Variants in DNTTIP2 observed in about 807,000 individuals in gnomAD.
DNTTIP2 encodes the protein deoxynucleotidyltransferase terminal interacting protein 2, also known as deoxynucleotidyltransferase terminal-interacting protein 2.
Under a neutral mutation model 62.4 loss-of-function variants are expected in DNTTIP2, and 47 were observed. The ratio of observed to expected loss-of-function variants is 0.75; its 90% CI spans 0.60 to 0.96. The LOEUF (loss-of-function observed/expected upper bound fraction) is 0.96, where lower values mean the gene tolerates loss of function less well. DNTTIP2 is among the 40% of genes least tolerant of loss of function. DNTTIP2 has a pLI of 0.00. For missense variants in DNTTIP2, 870 were observed against 849.1 expected, an observed-to-expected ratio of 1.02 and a Z score of -0.31; for synonymous variants, 322 against 300.9, an observed-to-expected ratio of 1.07 and a Z score of -0.73.
intron 4 of DNTTIP2, among the ~76,000 whole-genome samples, chr1:93,872,609 T>C (rs922839661): frequency 6.6e-6 from 1 of 152,200 alleles, no homozygotes. Flanking sequence ...TATGTAAACA[T>C]TTTTATTCAG....
At position 93,866,434 on chromosome 1, in the gene DNTTIP2, AT is replaced by A. The variant is rs1181811763; in HGVS notation, c.*3416del. The A allele has an allele frequency of 6.6e-6, 1 of 152,220 alleles. No individual in the cohort carries two copies. The highest frequency in any genetic ancestry group is 2.1e-4 in the South Asian group (1 of 4,828). The allele number at this position is 152,220 out of a possible 1,614,324, so 9.4% of individuals were successfully genotyped here. On this transcript the variant is annotated 3_prime_UTR_variant, in exon 7 of 7. Coordinates refer to ENST00000436063, the MANE Select transcript of DNTTIP2 (RefSeq NM_014597.5). ...AATTCCATTAAGTAAACAATTAGGC[AT>A]TTTTCAATGGTTTGGGATCTATTGT...
chr1:93,876,414 C>T lies in DNTTIP2; in HGVS notation c.1521G>A (p.Glu507=). 2 of 1,610,706 alleles carry T rather than the reference C, an allele frequency of 1.2e-6. No individual in the cohort carries two copies. Among genetic ancestry groups the T allele is most frequent in the Non-Finnish European group, 1.7e-6 (2 of 1,178,082 alleles). The change falls in exon 2 of 7, where the codon GAG becomes GAA. Residue 507 remains glutamate (E), a synonymous_variant. Coordinates refer to ENST00000436063, the MANE Select transcript of DNTTIP2 (RefSeq NM_014597.5). ...TGGCAACCTCACTTGCCTTGTCTTCCTCTTCCAAGTAAAAATTTTTATCAG... is the reference window on the plus strand; with the variant it reads ...TGGCAACCTCACTTGCCTTGTCTTCTTCTTCCAAGTAAAAATTTTTATCAG... ...MSADKNFYLE[E]EDKASEVAIE...
chr1:93,872,288 A>G, intron 4 of DNTTIP2, 52 bp from the exon 5 acceptor site: 2 of 1,553,188 alleles, frequency 1.3e-6, no homozygotes, highest in East Asian at 2.3e-5. Flanking sequence ...AGTATACATT[A>G]TAATTCATTT....
Position 93,875,689 on chromosome 1 carries a change from T to TA in DNTTIP2, c.1761dup (p.Asn588Ter). 2.5e-6 allele frequency: 4 copies of TA among 1,613,526 alleles called. No homozygotes were observed. The highest frequency in any genetic ancestry group is 3.4e-6 in the Non-Finnish European group (4 of 1,179,766). On this transcript the variant is annotated frameshift_variant, in exon 3 of 7. Transcript: ENST00000436063. LOFTEE classifies it high-confidence loss of function. ...TTGATCTGTGTTAGGGTTCTCTTGTTAGACTGTAGTTTATCTGCATTAAAA... is the reference window on the plus strand; with the variant it reads ...TTGATCTGTGTTAGGGTTCTCTTGTTAAGACTGTAGTTTATCTGCATTAAAA...
Position 93,877,110 on chromosome 1 carries a change from T to G in DNTTIP2, c.825A>C (p.Glu275Asp). ...FDDDFSHRSS[E>D]NILTVHEQAN... Reference sequence around the variant, plus strand: ...CCTGTTCGTGCACTGTTAATATATTTTCTGAACTTCTGTGGGAGAAATCAT... The same window carrying G: ...CCTGTTCGTGCACTGTTAATATATTGTCTGAACTTCTGTGGGAGAAATCAT... The change falls in exon 2 of 7, where the codon GAA (glutamate) becomes GAC (aspartate). Residue 275 changes from glutamate to aspartate, a missense_variant. Coordinates refer to ENST00000436063, the MANE Select transcript of DNTTIP2 (RefSeq NM_014597.5). The G allele has an allele frequency of 6.2e-7, 1 of 1,611,556 alleles. No homozygotes were observed. Among genetic ancestry groups the G allele is most frequent in the East Asian group, 2.2e-5 (1 of 44,874 alleles).
Position 93,867,194 on chromosome 1 carries a change from G to C in DNTTIP2, c.*2657C>G, listed in dbSNP as rs1451059081. ...TGGAGCCAGATGGTGTATAAATACAGCATTCTTTTCGAAATCTTTCAAGAT... is the reference window on the plus strand; with the variant it reads ...TGGAGCCAGATGGTGTATAAATACACCATTCTTTTCGAAATCTTTCAAGAT... On this transcript the variant is annotated 3_prime_UTR_variant, in exon 7 of 7. Coordinates refer to ENST00000436063, the MANE Select transcript of DNTTIP2 (RefSeq NM_014597.5). 6.8e-6 allele frequency: 1 copy of C among 146,972 alleles called. No homozygotes were observed. Among genetic ancestry groups the C allele is most frequent in the Non-Finnish European group, 1.5e-5 (1 of 67,190 alleles). The allele number at this position is 146,972 out of a possible 1,614,324, so 9.1% of individuals were successfully genotyped here.
At chr1:93,878,919 G>C (rs1656083489) in intron 1 of DNTTIP2, 158 bp downstream of exon 1, 2 of 900,934 alleles carry the variant, frequency 2.2e-6, no homozygotes, top group Non-Finnish European at 1.6e-6. Flanking sequence ...CAGTTTCCGT[G>C]ACAGGCTTAG....
chr1:93,878,528 G>C (rs1461234099), intron 1 of DNTTIP2: 2 of 154,456 alleles, frequency 1.3e-5, no homozygotes, highest in South Asian at 1.9e-4. Flanking sequence ...CACACTGATG[G>C]AATCAGTCGC....
rs1267612908 is a variant in DNTTIP2, at chr1:93,867,365, T to C, written c.*2486A>G. On this transcript the variant is annotated 3_prime_UTR_variant, in exon 7 of 7. Transcript: ENST00000436063. ...GCTCACACCTGTAATCCCAGCACTT[T>C]GGGAGGCCGAGGCGGGTGGATCACT... 2.6e-5 allele frequency: 4 copies of C among 152,124 alleles called. No homozygotes were observed. Among genetic ancestry groups the C allele is most frequent in the Non-Finnish European group, 4.4e-5 (3 of 68,166 alleles). 9.4% of individuals were successfully genotyped at this position (152,124 alleles called of 1,614,324 possible). A position where few individuals can be genotyped will look rare whatever the true frequency, so the allele number is the denominator to read the frequency against.
Position 93,877,792 on chromosome 1 carries a change from T to C in DNTTIP2, c.143A>G (p.Glu48Gly). 6 of 1,609,940 alleles carry C rather than the reference T, an allele frequency of 3.7e-6. No individual in the cohort carries two copies. The highest frequency in any genetic ancestry group is 5.1e-6 in the Non-Finnish European group (6 of 1,179,874). Reference protein sequence around the residue: ...STGSDARTTAESQTTGKQSLI... With the variant: ...STGSDARTTAGSQTTGKQSLI... ...ACTTTGCTTCCCAGTGGTCTGTGAT[T>C]CAGCAGTAGTTCGGGCATCAGATCC... is the stretch of plus-strand genomic sequence containing the variant. Residue 48 changes from glutamate to glycine, a missense_variant, in exon 2 of 7, where the codon GAA becomes GGA. Physicochemically the swap from Glu to Gly is moderately conservative, Grantham distance 98. Transcript: ENST00000436063.
Position 93,872,163 on chromosome 1 carries a change from T to C in DNTTIP2, c.1976A>G (p.Asn659Ser). 6.2e-7 allele frequency: 1 copy of C among 1,613,806 alleles called. No homozygotes were observed. ...KAPEMTNELK[N>S]DLKALKMRAS... ...TCTCATCTTCAGTGCTTTGAGATCA[T>C]TTTTCAGTTCATTTGTCATTTCTGG... The change falls in exon 5 of 7, where the codon AAT (asparagine) becomes AGT (serine). Residue 659 changes from asparagine (N) to serine (S), a missense_variant. Coordinates refer to ENST00000436063, the MANE Select transcript of DNTTIP2 (RefSeq NM_014597.5).
rs1656043410 is a variant in DNTTIP2, at chr1:93,877,500, A to T, written c.435T>A (p.Ser145=). 9 of 1,613,832 alleles carry T rather than the reference A, an allele frequency of 5.6e-6. No individual in the cohort carries two copies. In the Admixed American group the frequency reaches 6.7e-5, roughly 12 times the overall value. Residue 145 remains serine (S), a synonymous_variant, in exon 2 of 7, where the codon TCT becomes TCA. Transcript: ENST00000436063. ...CAATTCTAGAAATACCTGAAACATG[A>T]GATTCTGCTTCAGACACTATTTCTT... ...YTEEIVSEAE[S]HVSGISRIVL...
chr1:93,868,097 A>C lies in DNTTIP2; in HGVS notation c.*1754T>G, dbSNP rs1287592857. The stretch of plus-strand genomic sequence containing the variant: ...TACAGAATGGGAGAAAATTTCTGTA[A>C]TCTATCCATCTGACAAAGGGCTAAT... On this transcript the variant is annotated 3_prime_UTR_variant, in exon 7 of 7. Transcript: ENST00000436063. The C allele has an allele frequency of 6.6e-6, 1 of 152,226 alleles. No individual in the cohort carries two copies. Among genetic ancestry groups the C allele is most frequent in the Non-Finnish European group, 1.5e-5 (1 of 68,034 alleles). 9.4% of individuals were successfully genotyped at this position (152,226 alleles called of 1,614,324 possible).
At chr1:93,873,073 T>C (rs1349341925) in intron 4 of DNTTIP2, 46 bp downstream of exon 4, 2 of 1,362,360 alleles carry the variant, frequency 1.5e-6, no homozygotes, top group African/African-American at 1.4e-5. Flanking sequence ...GCTGAAAATA[T>C]ATAGCCAAAC....
chr1:93,873,398 C>T lies in DNTTIP2; in HGVS notation c.1807-184G>A. Reference sequence around the variant, plus strand: ...CTTGAGGCCAGGAGTTTTAGACCACCTTGGTCAACATAGCAAGACCCTGAC... The same window carrying T: ...CTTGAGGCCAGGAGTTTTAGACCACTTTGGTCAACATAGCAAGACCCTGAC... On this transcript the variant is annotated intron_variant, in intron 3 of 6. Transcript: ENST00000436063. 3 of 460,604 alleles carry T rather than the reference C, an allele frequency of 6.5e-6. 1 individual carries two copies. In the South Asian group the frequency reaches 7.8e-5, roughly 12 times the overall value. The allele number at this position is 460,604 out of a possible 1,614,324, so 28.5% of individuals were successfully genotyped here.
intron 1 of DNTTIP2, among the ~76,000 whole-genome samples, chr1:93,878,145 A>T (rs1482643998): frequency 6.7e-6 from 1 of 148,328 alleles, no homozygotes; most frequent in African/African-American, 2.6e-5. Flanking sequence ...CTCTACTCAA[A>T]GTAAAAAAAT....
rs1655747963 is a variant in DNTTIP2, at chr1:93,867,364, T to G, written c.*2487A>C. ...GGCTCACACCTGTAATCCCAGCACT[T>G]TGGGAGGCCGAGGCGGGTGGATCAC... On this transcript the variant is annotated 3_prime_UTR_variant, in exon 7 of 7. Transcript: ENST00000436063. 6.6e-6 allele frequency: 1 copy of G among 152,026 alleles called. No individual in the cohort carries two copies. Among genetic ancestry groups the G allele is most frequent in the African/African-American group, 2.4e-5 (1 of 41,328 alleles). The allele number at this position is 152,026 out of a possible 1,614,324, so 9.4% of individuals were successfully genotyped here. A position where few individuals can be genotyped will look rare whatever the true frequency, so the allele number is the denominator to read the frequency against.
intron 1 of DNTTIP2, 65 bp from the exon 2 acceptor site, chr1:93,877,927 TACTG>T: frequency 6.7e-7 from 1 of 1,501,448 alleles, no homozygotes; most frequent in Non-Finnish European, 8.8e-7. Flanking sequence ...GCAAATGAAA[TACTG>T]ACCCCAAAAG....
At position 93,873,184 on chromosome 1, in the gene DNTTIP2, A is replaced by T. The variant is rs1655913305; in HGVS notation, c.1837T>A (p.Phe613Ile). The T allele has an allele frequency of 3.7e-6, 6 of 1,612,604 alleles. No homozygotes were observed. Among genetic ancestry groups the T allele is most frequent in the Non-Finnish European group, 5.1e-6 (6 of 1,179,252 alleles). Residue 613 changes from phenylalanine to isoleucine, a missense_variant, in exon 4 of 7, where the codon TTT becomes ATT. By Grantham distance (21) the Phe-to-Ile change is conservative. Transcript: ENST00000436063. ...GGTGGAACACAGTGGTTTTTTTCAAAATCAGGTGTAATGACGGCTTTCTGC... is the reference window on the plus strand; with the variant it reads ...GGTGGAACACAGTGGTTTTTTTCAATATCAGGTGTAATGACGGCTTTCTGC... Reference protein sequence around the residue: ...LLQKAVITPDFEKNHCVPPYS... With the variant: ...LLQKAVITPDIEKNHCVPPYS...
Sources: gnomAD v4.1 joint callset for allele counts (sites outside exome capture counted in the v4.1 genomes callset) on GRCh38, gnomAD v4.1.1 for gene constraint, MANE v1.5 for transcripts, NCBI Gene and HGNC (gene_info 2026-07-23, HGNC 2026-07-21) for gene names.